CCDC171: variants seen among roughly 807,000 people sequenced by gnomAD.
CCDC171 encodes coiled-coil domain-containing protein 171.
A neutral mutation model predicts 168.2 loss-of-function variants in CCDC171; 177 were observed. The ratio of observed to expected loss-of-function variants is 1.05; its 90% confidence interval spans 0.93 to 1.19. The LOEUF (loss-of-function observed/expected upper bound fraction) is 1.19, where lower values mean the gene tolerates loss of function less well. Among genes scored for constraint, CCDC171 ranks in the 50% most tolerant of loss-of-function variants. CCDC171 has a pLI of 0.00. For missense variants in CCDC171, 1,991 were observed against 1,539.0 expected, an observed-to-expected ratio of 1.29 and a Z score of -4.91; for synonymous variants, 687 against 540.8, an observed-to-expected ratio of 1.27 and a Z score of -3.75.
the CCDC171 span, among the ~76,000 whole-genome samples, chr9:16,099,781 A>G: frequency 6.6e-5 from 10 of 152,238 alleles, no homozygotes; most frequent in Non-Finnish European, 1.2e-4. Flanking sequence ...ACAATGATTA[A>G]GAAAAAGACT....
intron 4 of CCDC171, among the ~76,000 whole-genome samples, chr9:15,581,561 TG>T (rs1351137382): frequency 5.3e-5 from 8 of 152,162 alleles, no homozygotes; most frequent in African/African-American, 1.4e-4. Context: ...CAAAACAACA[TG>T]GTACTGATAC....
At chr9:15,999,912 T>C (rs1832489475) in intron 3 of CCDC171, among the ~76,000 whole-genome samples, 1 of 152,160 alleles carries the variant, frequency 6.6e-6, no homozygotes, top group Non-Finnish European at 1.5e-5. Flanking sequence ...AGGAGCACAC[T>C]AGTATCTAAG....
At chr9:16,100,801 C>T in the CCDC171 span, among the ~76,000 whole-genome samples, 2 of 152,252 alleles carry the variant, frequency 1.3e-5, no homozygotes, top group Non-Finnish European at 2.9e-5. Flanking sequence ...GTCAGGCGCC[C>T]CCCACCCCGC....
intron 7 of CCDC171, among the ~76,000 whole-genome samples, chr9:15,638,896 T>C (rs1268500765): frequency 1.3e-5 from 2 of 152,002 alleles, no homozygotes; most frequent in Admixed American, 6.6e-5. Context: ...GGGAGTTTAT[T>C]ATCATGGGAA....
At chr9:15,616,433 T>C (rs985094076) in intron 6 of CCDC171, among the ~76,000 whole-genome samples, 1 of 152,058 alleles carries the variant, frequency 6.6e-6, no homozygotes, top group Admixed American at 6.5e-5. Context: ...AAATAATTTA[T>C]TTTACTATTT....
intron 6 of CCDC171, among the ~76,000 whole-genome samples, chr9:15,606,288 G>T (rs1460771813): frequency 5.3e-5 from 8 of 152,090 alleles, no homozygotes; most frequent in Non-Finnish European, 1.0e-4. Context: ...AAAATTTTTA[G>T]CTCTAATTAA....
intron 24 of CCDC171, among the ~76,000 whole-genome samples, chr9:15,902,186 T>A (rs1321671750): frequency 6.6e-6 from 1 of 151,658 alleles, no homozygotes; most frequent in Non-Finnish European, 1.5e-5. Context: ...AATAGTTGTT[T>A]GGAAATATTT....
At chr9:15,977,660 ATT>A (rs1462969574), downstream of CCDC171, among the ~76,000 whole-genome samples, 5 of 152,192 alleles carry the variant, frequency 3.3e-5, no homozygotes, top group Admixed American at 3.3e-4. Context: ...TGAAATGCTG[ATT>A]GTTGACAGAG....
At chr9:15,583,781 A>G (rs1314452472) in intron 4 of CCDC171, among the ~76,000 whole-genome samples, 1 of 152,220 alleles carries the variant, frequency 6.6e-6, no homozygotes, top group Non-Finnish European at 1.5e-5. Context: ...TTGAAATAAA[A>G]AATAAAATGT....
At chr9:15,809,579 T>C (rs976002599) in intron 21 of CCDC171, among the ~76,000 whole-genome samples, 3 of 152,110 alleles carry the variant, frequency 2.0e-5, no homozygotes, top group African/African-American at 7.2e-5. Flanking sequence ...ACTTTCGCGG[T>C]GTGTGTTACA....
rs1298329386 is a variant in CCDC171, at chr9:15,777,515, AT to A, written c.2672-84del. The A allele has an allele frequency of 9.9e-6, 7 of 709,476 alleles. No individual in the cohort carries two copies. The East Asian group carries it at 1.4e-4, about 14-fold the overall frequency. The allele number at this position is 709,476 out of a possible 1,614,324, so 43.9% of individuals were successfully genotyped here. On this transcript the variant is annotated intron_variant, in intron 18 of 25. Coordinates refer to ENST00000380701, the MANE Select transcript of CCDC171 (RefSeq NM_173550.4). ...TGAATGGGAATTATATAATTAAAAAATATTTTCATTATGTGATTAGCAGTGT... is the reference window on the plus strand; with the variant it reads ...TGAATGGGAATTATATAATTAAAAAAATTTTCATTATGTGATTAGCAGTGT...
At position 15,727,899 on chromosome 9, in the gene CCDC171, CA is replaced by C. The variant is rs757830426; in HGVS notation, c.1724del (p.Gln575ArgfsTer4). 1 of 1,612,026 alleles carries C rather than the reference CA, an allele frequency of 6.2e-7. No individual in the cohort carries two copies. The highest frequency in any genetic ancestry group is 8.5e-7 in the Non-Finnish European group (1 of 1,179,092). On this transcript the variant is annotated frameshift_variant, in exon 15 of 26. Transcript: ENST00000380701. LOFTEE classifies it high-confidence loss of function. ...GCTAACCTTCCTTCACACCTTATAT[CA>C]GCACTTGGTAGCAGGCTGTGTGCTC... ...EKLTFLHTLY[Q>X]HLVAGCVLIK...
intron 6 of CCDC171, among the ~76,000 whole-genome samples, chr9:15,613,764 C>G (rs1250916724): frequency 6.6e-6 from 1 of 152,114 alleles, no homozygotes; most frequent in Non-Finnish European, 1.5e-5. Flanking sequence ...ACCTTGTGAT[C>G]TGCCCGCCTC....
intron 21 of CCDC171, among the ~76,000 whole-genome samples, chr9:15,791,203 A>G (rs1307499667): frequency 6.6e-6 from 1 of 152,084 alleles, no homozygotes; most frequent in African/African-American, 2.4e-5. Flanking sequence ...GGCCATTTTC[A>G]CGATGTTGAT....
intron 3 of CCDC171, among the ~76,000 whole-genome samples, chr9:15,578,043 T>G (rs547485563): frequency 8.5e-5 from 13 of 152,318 alleles, no homozygotes; most frequent in African/African-American, 3.1e-4. Context: ...GCACTTTTAT[T>G]ACTTTATGAT....
chr9:15,612,973 G>A (rs868510649), intron 6 of CCDC171, among the ~76,000 whole-genome samples: 4 of 152,164 alleles, frequency 2.6e-5, no homozygotes, highest in Admixed American at 6.5e-5. Context: ...AGGCTCTGTC[G>A]CCTATTTGAG....
chr9:15,578,021 C>T (rs2040809940), intron 3 of CCDC171, among the ~76,000 whole-genome samples: 1 of 152,096 alleles, frequency 6.6e-6, no homozygotes, highest in East Asian at 1.9e-4. Flanking sequence ...CATTTAAATC[C>T]CTGCAAAATT....
intron 24 of CCDC171, among the ~76,000 whole-genome samples, chr9:15,878,754 A>G (rs1818202588): frequency 6.6e-6 from 1 of 152,196 alleles, no homozygotes; most frequent in Admixed American, 6.6e-5. Context: ...TAGAATGGAT[A>G]AAGAAAATGT....
At chr9:15,643,524 T>C (rs144220689) in intron 7 of CCDC171, among the ~76,000 whole-genome samples, 75 of 152,362 alleles carry the variant, frequency 4.9e-4, no homozygotes, top group African/African-American at 1.6e-3. Context: ...TGGCTGCCAC[T>C]TCTTGACATT....
Sources: allele counts gnomAD v4.1 joint callset (sites outside exome capture counted in the v4.1 genomes callset), GRCh38; gene constraint gnomAD v4.1.1; transcripts MANE v1.5; gene names NCBI Gene and HGNC (gene_info 2026-07-23, HGNC 2026-07-21).